Variants in LDLRAD4 observed in about 807,000 individuals in gnomAD.
The protein encoded by LDLRAD4 is low density lipoprotein receptor class A domain containing 4.
Under a neutral mutation model 17.0 loss-of-function variants are expected in LDLRAD4, and 5 were observed. That is an observed-to-expected ratio of 0.29 (90% CI 0.15 to 0.62). LDLRAD4 has a LOEUF of 0.62. Ranked by LOEUF, LDLRAD4 falls within the 20% of genes least tolerant of loss-of-function variation. The pLI is 0.84. For missense variants in LDLRAD4, 340 were observed against 424.7 expected (o/e 0.80, Z 1.75); for synonymous variants, 168 against 171.8 (o/e 0.98, Z 0.17).
At chr18:13,250,875 T>C (rs1229023954) in intron 1 of LDLRAD4, among the ~76,000 whole-genome samples, 1 of 152,230 alleles carries the variant, frequency 6.6e-6, no homozygotes, top group Non-Finnish European at 1.5e-5. Flanking sequence ...TCCTGACTTA[T>C]TCTACAAGGC....
At chr18:13,575,627 T>C (rs1033220163) in intron 3 of LDLRAD4, among the ~76,000 whole-genome samples, 4 of 152,266 alleles carry the variant, frequency 2.6e-5, no homozygotes, top group African/African-American at 9.6e-5. Flanking sequence ...TTTCTACTTT[T>C]AGTTCTTTAA....
intron 1 of LDLRAD4, among the ~76,000 whole-genome samples, chr18:13,318,069 G>A (rs1046587278): frequency 1.3e-5 from 2 of 151,924 alleles, no homozygotes; most frequent in Non-Finnish European, 2.9e-5. Context: ...CCACTCGTCC[G>A]GTCCCTCGCT....
intron 3 of LDLRAD4, among the ~76,000 whole-genome samples, chr18:13,506,687 G>A (rs1239400029): frequency 6.6e-6 from 1 of 152,212 alleles, no homozygotes; most frequent in African/African-American, 2.4e-5. Context: ...AAGATGCCAT[G>A]TAGGATTTTC....
intron 3 of LDLRAD4, among the ~76,000 whole-genome samples, chr18:13,443,997 T>C (rs2091218423): frequency 6.6e-6 from 1 of 152,198 alleles, no homozygotes; most frequent in Non-Finnish European, 1.5e-5. Context: ...GCATTTGGGG[T>C]TGCAAAACAG....
intron 3 of LDLRAD4, among the ~76,000 whole-genome samples, chr18:13,451,233 C>T (rs62085728): frequency 0.033 from 4,955 of 152,268 alleles, 133 homozygotes; most frequent in South Asian, 0.11. Context: ...TATTTGTCCC[C>T]TCCAAATCTC....
intron 3 of LDLRAD4, among the ~76,000 whole-genome samples, chr18:13,441,022 C>T (rs558614873): frequency 1.3e-5 from 2 of 152,320 alleles, no homozygotes; most frequent in African/African-American, 2.4e-5. Flanking sequence ...GAGACGCTCA[C>T]GGCGCGGGTT....
intron 3 of LDLRAD4, among the ~76,000 whole-genome samples, chr18:13,441,503 G>T (rs1322649093): frequency 6.6e-6 from 1 of 152,208 alleles, no homozygotes; most frequent in Non-Finnish European, 1.5e-5. Flanking sequence ...TTCCCACCTG[G>T]GGGATATACT....
At chr18:13,359,566 A>G (rs568464724) in intron 1 of LDLRAD4, among the ~76,000 whole-genome samples, 1 of 152,042 alleles carries the variant, frequency 6.6e-6, no homozygotes, top group Non-Finnish European at 1.5e-5. Flanking sequence ...CTGCTGTTCC[A>G]TTTGCTATGT....
At chr18:13,541,112 G>A (rs981402216) in intron 3 of LDLRAD4, among the ~76,000 whole-genome samples, 1 of 152,148 alleles carries the variant, frequency 6.6e-6, no homozygotes, top group Non-Finnish European at 1.5e-5. Context: ...AAGCCAGCCC[G>A]ACCCCGCAAG....
chr18:13,278,513 C>T (rs889126277), intron 1 of LDLRAD4: 2 of 152,156 alleles, frequency 1.3e-5, no homozygotes, highest in Non-Finnish European at 2.9e-5. Context: ...CTGCTCCGCT[C>T]GAGACGCCAT....
At chr18:13,396,635 C>T (rs967872702) in intron 2 of LDLRAD4, among the ~76,000 whole-genome samples, 2 of 152,158 alleles carry the variant, frequency 1.3e-5, no homozygotes, top group African/African-American at 4.8e-5. Flanking sequence ...AGGCACATGC[C>T]ACCACATCTG....
rs571574447 is a variant in LDLRAD4 at position 13,227,480 on chromosome 18, G to A, written c.-467+8492G>A. On this transcript the variant is annotated intron_variant, in intron 1 of 5. Coordinates refer to the LDLRAD4 transcript ENST00000399848. ...GCAAGGTGCTCACCTGCTCTTTGGT[G>A]TATGCTGGGGGTGCACTTCCACCTG... is the stretch of plus-strand genomic sequence containing the variant. Among the ~76,000 whole-genome samples, 22 of 152,270 alleles carry A rather than the reference G, an allele frequency of 1.4e-4. No individual in the cohort carries two copies. In the South Asian group the frequency reaches 3.7e-3, roughly 26 times the overall value.
At chr18:13,233,160 G>A (rs576437321) in intron 1 of LDLRAD4, among the ~76,000 whole-genome samples, 14 of 152,380 alleles carry the variant, frequency 9.2e-5, no homozygotes, top group African/African-American at 2.4e-4. Flanking sequence ...CCTGAAGGAC[G>A]TGAGCGGGCG....
chr18:13,633,319 C>T (rs1373938093), intron 4 of LDLRAD4, among the ~76,000 whole-genome samples: 1 of 152,256 alleles, frequency 6.6e-6, no homozygotes, highest in Non-Finnish European at 1.5e-5. Flanking sequence ...CTGTGGACTC[C>T]ACTCAGAACT....
At position 13,454,935 on chromosome 18, in the gene LDLRAD4, G is replaced by A. The variant is rs1243471154; in HGVS notation, c.181+16551G>A. On this transcript the variant is annotated intron_variant, in intron 3 of 5. Coordinates refer to ENST00000359446, the Ensembl canonical transcript of LDLRAD4. ...CGCACAGTGCTGGATCACCTGCGGC[G>A]GGAGCAGGGCATGCGCCCTGGTGGG... Among the ~76,000 whole-genome samples the A allele has an allele frequency of 2.6e-5, 4 of 152,262 alleles. No individual in the cohort carries two copies. The South Asian group carries it at 6.2e-4, about 24-fold the overall frequency.
intron 4 of LDLRAD4, among the ~76,000 whole-genome samples, chr18:13,629,005 A>G (rs2041424686): frequency 6.6e-6 from 1 of 152,056 alleles, no homozygotes; most frequent in Non-Finnish European, 1.5e-5. Flanking sequence ...TAATTTTTAA[A>G]TTTTTTGTAG....
At chr18:13,267,949 G>C (rs2044312860) in intron 1 of LDLRAD4, among the ~76,000 whole-genome samples, 1 of 152,106 alleles carries the variant, frequency 6.6e-6, no homozygotes, top group African/African-American at 2.4e-5. Context: ...GGCTAGACTT[G>C]AACTCCTCAC....
chr18:13,536,882 A>G (rs900613567), intron 3 of LDLRAD4, among the ~76,000 whole-genome samples: 3 of 152,096 alleles, frequency 2.0e-5, no homozygotes, highest in Admixed American at 6.5e-5. Context: ...TGAAATGATT[A>G]TATGTTTTTT....
chr18:13,231,499 C>T (rs1032031498), intron 1 of LDLRAD4, among the ~76,000 whole-genome samples: 15 of 152,176 alleles, frequency 9.9e-5, no homozygotes, highest in African/African-American at 3.4e-4. Context: ...CAACCAGCCA[C>T]GAATGGTAAA....
Sources: gnomAD v4.1 joint callset for allele counts (sites outside exome capture counted in the v4.1 genomes callset) on GRCh38, gnomAD v4.1.1 for gene constraint, MANE v1.5 for transcripts, NCBI Gene and HGNC (gene_info 2026-07-23, HGNC 2026-07-21) for gene names.